SHOC2: variants seen among roughly 807,000 people sequenced by gnomAD.
The protein encoded by SHOC2 is SHOC2 leucine rich repeat scaffold protein, also known as leucine-rich repeat protein SHOC-2.
In SHOC2, 4 loss-of-function variants were observed where a neutral mutation model predicts 50.2. The observed-to-expected ratio is 0.08, with a 90% CI of 0.04 to 0.18. The LOEUF (loss-of-function observed/expected upper bound fraction) is 0.18, where lower values mean the gene tolerates loss of function less well. Ranked by LOEUF, SHOC2 falls within the 10% of genes least tolerant of loss-of-function variation. The pLI, the probability that SHOC2 is intolerant of heterozygous loss-of-function variation, is 1.00. For missense variants in SHOC2, 388 were observed against 669.6 expected (o/e 0.58, Z 4.64); for synonymous variants, 218 against 244.5 (o/e 0.89, Z 1.01).
intron 1 of SHOC2, among the ~76,000 whole-genome samples, chr10:110,927,210 G>T (rs1341941173): frequency 1.3e-5 from 2 of 152,162 alleles, no homozygotes; most frequent in African/African-American, 4.8e-5. Flanking sequence ...GACAGATTGG[G>T]TGACCTGAAA....
In SHOC2 at chr10:110,965,094, A is replaced by G. The variant is rs368925063; in HGVS notation, c.703+33A>G. The G allele has an allele frequency of 3.7e-5, 58 of 1,579,546 alleles. 1 individual carries two copies. Among genetic ancestry groups the G allele is most frequent in the Non-Finnish European group, 4.4e-5 (51 of 1,150,882 alleles). ...GCCTTGGATTATTATTATTTGTAGTATTTGTTATGCTAAATAATTTTGAGT... is the reference window on the plus strand; with the variant it reads ...GCCTTGGATTATTATTATTTGTAGTGTTTGTTATGCTAAATAATTTTGAGT... On this transcript the variant is annotated intron_variant, in intron 2 of 8. Coordinates refer to ENST00000369452, the MANE Select transcript of SHOC2 (RefSeq NM_007373.4).
At chr10:111,008,606 C>G (rs1848512269) in intron 6 of SHOC2, among the ~76,000 whole-genome samples, 1 of 152,040 alleles carries the variant, frequency 6.6e-6, no homozygotes, top group African/African-American at 2.4e-5. Context: ...CAAGTGGTGA[C>G]TGCTGTAATT....
intron 1 of SHOC2, among the ~76,000 whole-genome samples, chr10:110,956,692 C>A (rs181961466): frequency 2.0e-5 from 3 of 152,096 alleles, no homozygotes; most frequent in African/African-American, 7.2e-5. Flanking sequence ...TTAAATCTTA[C>A]ATTTATCTTG....
chr10:110,999,459 TG>T (rs1474211924), intron 3 of SHOC2, among the ~76,000 whole-genome samples: 2 of 151,896 alleles, frequency 1.3e-5, no homozygotes, highest in Non-Finnish European at 2.9e-5. Flanking sequence ...AATGCTCAGC[TG>T]GGCGCAGTGG....
intron 1 of SHOC2, among the ~76,000 whole-genome samples, chr10:110,943,969 G>C (rs895851669): frequency 7.2e-5 from 11 of 152,044 alleles, no homozygotes; most frequent in African/African-American, 2.7e-4. Flanking sequence ...ATCGTCTTTT[G>C]CCCCAACTTT....
intron 1 of SHOC2, among the ~76,000 whole-genome samples, chr10:110,954,536 T>A (rs1487101308): frequency 1.4e-5 from 2 of 140,870 alleles, no homozygotes; most frequent in Non-Finnish European, 3.1e-5. Flanking sequence ...TCTTAACTAC[T>A]ATAAAACAGG....
At position 110,985,612 on chromosome 10, in the gene SHOC2, G is replaced by T. The variant is rs185614302; in HGVS notation, c.704-16G>T. ...TTAATAATGCTTATTGAATTTTTAT[G>T]TTGGTCAATTTACAGGTGAATTATG... On this transcript the variant is annotated splice_polypyrimidine_tract_variant and intron_variant, in intron 2 of 8. Coordinates refer to ENST00000369452, the MANE Select transcript of SHOC2 (RefSeq NM_007373.4). The T allele has an allele frequency of 2.7e-4, 426 of 1,594,032 alleles. 2 individuals carry two copies. The Admixed American group carries it at 6.9e-3, about 26-fold the overall frequency.
At chr10:110,946,557 T>C (rs1847249953) in intron 1 of SHOC2, among the ~76,000 whole-genome samples, 1 of 152,000 alleles carries the variant, frequency 6.6e-6, no homozygotes, top group Non-Finnish European at 1.5e-5. Context: ...GACATTTCTC[T>C]TTTATATGTA....
At chr10:110,954,569 A>G (rs972240318) in intron 1 of SHOC2, among the ~76,000 whole-genome samples, 5 of 152,344 alleles carry the variant, frequency 3.3e-5, no homozygotes, top group African/African-American at 1.2e-4. Context: ...TGCTAACAGT[A>G]TATTTGTGAA....
chr10:110,977,939 A>G (rs7922142), intron 2 of SHOC2, among the ~76,000 whole-genome samples: 7 of 152,074 alleles, frequency 4.6e-5, no homozygotes, highest in African/African-American at 1.7e-4. Context: ...ATAAGAATTT[A>G]GGCAAACACT....
chr10:110,925,583 G>A (rs1365646342), intron 1 of SHOC2, among the ~76,000 whole-genome samples: 2 of 151,996 alleles, frequency 1.3e-5, no homozygotes, highest in African/African-American at 2.4e-5. Flanking sequence ...TTAACCTCTC[G>A]TGTAACTGGA....
At chr10:110,985,897 G>C (rs1432091434) in intron 3 of SHOC2, 132 bp downstream of exon 3, 1 of 763,282 alleles carries the variant, frequency 1.3e-6, no homozygotes, top group African/African-American at 1.8e-5. Flanking sequence ...AAACTTTTAA[G>C]ATAATATTTT....
intron 2 of SHOC2, among the ~76,000 whole-genome samples, chr10:110,965,510 T>A (rs185041539): frequency 1.5e-3 from 235 of 152,268 alleles, no homozygotes; most frequent in Admixed American, 2.6e-3. Context: ...CCACAAAAGG[T>A]TGACAAATCA....
chr10:110,990,449 A>G (rs530779919), intron 3 of SHOC2, among the ~76,000 whole-genome samples: 1 of 152,242 alleles, frequency 6.6e-6, no homozygotes, highest in African/African-American at 2.4e-5. Flanking sequence ...GCACCAATCA[A>G]CACTCTGTAT....
At position 111,000,488 on chromosome 10, in the gene SHOC2, A is replaced by G; in HGVS notation, c.915A>G (p.Lys305=). ...RLSAIPRSLA[K]CSALEELNLE... Reference sequence around the variant, plus strand: ...CAGCAATACCCAGATCATTAGCAAAATGCAGTGCACTTGAAGAATTAAATT... The same window carrying G: ...CAGCAATACCCAGATCATTAGCAAAGTGCAGTGCACTTGAAGAATTAAATT... The change falls in exon 4 of 9, where the codon AAA becomes AAG. Residue 305 remains lysine (K), a synonymous_variant. Coordinates refer to ENST00000369452, the MANE Select transcript of SHOC2 (RefSeq NM_007373.4). 1 of 1,612,504 alleles carries G rather than the reference A, an allele frequency of 6.2e-7. No individual in the cohort carries two copies. Among genetic ancestry groups the G allele is most frequent in the Non-Finnish European group, 8.5e-7 (1 of 1,178,612 alleles).
intron 1 of SHOC2, among the ~76,000 whole-genome samples, chr10:110,953,713 TAC>T (rs1175377964): frequency 7.3e-5 from 11 of 150,846 alleles, no homozygotes; most frequent in Admixed American, 6.6e-5. Context: ...GATATATATA[TAC>T]ACACACACAC....
intron 1 of SHOC2, among the ~76,000 whole-genome samples, chr10:110,958,986 A>G (rs1020706441): frequency 1.2e-4 from 19 of 152,344 alleles, no homozygotes; most frequent in African/African-American, 3.8e-4. Context: ...AGTAACCTAC[A>G]TTATTTTTAA....
intron 1 of SHOC2, among the ~76,000 whole-genome samples, chr10:110,948,140 A>G (rs1293128258): frequency 6.6e-6 from 1 of 152,246 alleles, no homozygotes; most frequent in Non-Finnish European, 1.5e-5. Flanking sequence ...GTCATTATAC[A>G]ATGATAAAGA....
chr10:110,943,598 A>G (rs1337508523), intron 1 of SHOC2, among the ~76,000 whole-genome samples: 1 of 152,218 alleles, frequency 6.6e-6, no homozygotes, highest in African/African-American at 2.4e-5. Context: ...AACATGGGCT[A>G]TCATGACCTT....
Sources: allele counts gnomAD v4.1 joint callset (sites outside exome capture counted in the v4.1 genomes callset), GRCh38; gene constraint gnomAD v4.1.1; transcripts MANE v1.5; gene names NCBI Gene and HGNC (gene_info 2026-07-23, HGNC 2026-07-21).